The following LURAP1L variants were observed in gnomAD, a reference collection of about 807,000 sequenced individuals.
LURAP1L encodes the protein leucine rich adaptor protein 1-like.
In LURAP1L, 12 loss-of-function variants were observed where a neutral mutation model predicts 13.8. The observed-to-expected ratio is 0.87, with a 90% CI of 0.56 to 1.41. The LOEUF (loss-of-function observed/expected upper bound fraction) is 1.41, where lower values mean the gene tolerates loss of function less well. Ranked by LOEUF, LURAP1L falls within the 40% of genes most tolerant of loss-of-function variation. The pLI is 0.00. For missense variants in LURAP1L, 375 were observed against 292.9 expected, an observed-to-expected ratio of 1.28 and a Z score of -2.04; for synonymous variants, 139 against 119.2, an observed-to-expected ratio of 1.17 and a Z score of -1.08.
In LURAP1L at chr9:12,778,716, G is replaced by C. The variant is rs144274591; in HGVS notation, c.312+2689G>C. 1.7e-3 allele frequency among the ~76,000 whole-genome samples: 252 copies of C among 152,260 alleles called. 2 individuals are homozygous for C. Among genetic ancestry groups the C allele is most frequent in the African/African-American group, 4.9e-3 (205 of 41,548 alleles). On this transcript the variant is annotated intron_variant, in intron 1 of 1. Transcript: ENST00000319264. ...AGGTTTCCCTAGCTTCAGTTCAACT[G>C]GAAATCTTGATTTTTATTTTAAATT...
At chr9:12,780,222 T>A (rs1268351388) in intron 1 of LURAP1L, among the ~76,000 whole-genome samples, 2 of 152,216 alleles carry the variant, frequency 1.3e-5, no homozygotes, top group East Asian at 3.9e-4. Flanking sequence ...ACTTTCAAAT[T>A]GCTGTTTTTC....
intron 1 of LURAP1L, among the ~76,000 whole-genome samples, chr9:12,816,145 G>A (rs1041786670): frequency 2.0e-5 from 3 of 152,160 alleles, no homozygotes; most frequent in African/African-American, 7.2e-5. Flanking sequence ...GGGATTATCT[G>A]ATCTGTAGAC....
chr9:12,811,351 A>G (rs1563897566), intron 1 of LURAP1L, among the ~76,000 whole-genome samples: 2 of 152,192 alleles, frequency 1.3e-5, no homozygotes, highest in Admixed American at 6.5e-5. Flanking sequence ...CCCTCAGGTT[A>G]TAGGGGATAT....
chr9:12,783,764 G>C (rs1819308566), intron 1 of LURAP1L, among the ~76,000 whole-genome samples: 1 of 150,858 alleles, frequency 6.6e-6, no homozygotes, highest in African/African-American at 2.4e-5. Context: ...GGAATAGTTT[G>C]GGTAGGATTG....
At chr9:12,816,913 C>T (rs1819811845) in intron 1 of LURAP1L, among the ~76,000 whole-genome samples, 4 of 152,118 alleles carry the variant, frequency 2.6e-5, no homozygotes, top group Admixed American at 2.0e-4. Context: ...TTATTTTTGT[C>T]GTTGTTGTTT....
chr9:12,791,248 C>T (rs1013583445), intron 1 of LURAP1L, among the ~76,000 whole-genome samples: 4 of 152,176 alleles, frequency 2.6e-5, no homozygotes, highest in South Asian at 2.1e-4. Flanking sequence ...ACCTGTTTTT[C>T]TCTTTGTGAT....
intron 1 of LURAP1L, among the ~76,000 whole-genome samples, chr9:12,820,173 GAGAT>G (rs993969269): frequency 6.6e-6 from 1 of 152,102 alleles, no homozygotes; most frequent in Non-Finnish European, 1.5e-5. Flanking sequence ...TGTGGCTGTG[GAGAT>G]AGATATCCCT....
chr9:12,815,481 A>C (rs1024373077), intron 1 of LURAP1L, among the ~76,000 whole-genome samples: 1 of 152,208 alleles, frequency 6.6e-6, no homozygotes, highest in African/African-American at 2.4e-5. Context: ...AGAGCATCAC[A>C]TTAAAAAGCA....
intron 1 of LURAP1L, among the ~76,000 whole-genome samples, chr9:12,781,161 G>C (rs1452972187): frequency 1.3e-5 from 2 of 152,050 alleles, no homozygotes; most frequent in Non-Finnish European, 2.9e-5. Flanking sequence ...AGTAGAGATG[G>C]GGTTTCTCCA....
intron 1 of LURAP1L, chr9:12,777,363 C>T (rs924143889): frequency 2.9e-5 from 29 of 985,142 alleles, no homozygotes; most frequent in Admixed American, 1.2e-4. Flanking sequence ...ATCAGACATA[C>T]GTGTGGAGAC....
chr9:12,808,074 G>A (rs1050960925), intron 1 of LURAP1L, among the ~76,000 whole-genome samples: 1 of 151,912 alleles, frequency 6.6e-6, no homozygotes, highest in African/African-American at 2.4e-5. Context: ...TGAATGCATT[G>A]TCATTGTTAT....
In LURAP1L at chr9:12,819,490, G is replaced by A. The variant is rs185375029; in HGVS notation, c.313-1896G>A. Among the ~76,000 whole-genome samples the A allele has an allele frequency of 1.8e-3, 281 of 152,176 alleles. 1 individual carries two copies. The highest frequency in any genetic ancestry group is 3.1e-3 in the Admixed American group (47 of 15,280). ...TTTTACAATACAAATGAATACTTTTGAGGACAATTCGCTCTTTTCTTCCTT... is the reference window on the plus strand; with the variant it reads ...TTTTACAATACAAATGAATACTTTTAAGGACAATTCGCTCTTTTCTTCCTT... On this transcript the variant is annotated intron_variant, in intron 1 of 1. Coordinates refer to ENST00000319264, the MANE Select transcript of LURAP1L (RefSeq NM_203403.2).
At chr9:12,808,591 T>C (rs1188515982) in intron 1 of LURAP1L, among the ~76,000 whole-genome samples, 1 of 152,148 alleles carries the variant, frequency 6.6e-6, no homozygotes, top group African/African-American at 2.4e-5. Context: ...TGAGTATAAG[T>C]TTGGTGTAAA....
rs201963967 is a variant in LURAP1L, at chr9:12,775,881, T to A, written c.166T>A (p.Cys56Ser). 1 of 1,438,078 alleles carries A rather than the reference T, an allele frequency of 7.0e-7. No individual in the cohort carries two copies. Among genetic ancestry groups the A allele is most frequent in the Non-Finnish European group, 9.2e-7 (1 of 1,088,310 alleles). The allele number at this position is 1,438,078 out of a possible 1,614,324, so 89.1% of individuals were successfully genotyped here. ...TGGTGGTGGCGGCGGCGGCGGCGGC[T>A]GCAGTAGCAGCAGCAGCTACTGCAG... ...SGGGGGGGGG[C>S]SSSSSYCSFP... Residue 56 changes from cysteine (C) to serine (S), a missense_variant, in exon 1 of 2, where the codon TGC becomes AGC. Transcript: ENST00000319264.
At chr9:12,808,050 T>G (rs543816464) in intron 1 of LURAP1L, among the ~76,000 whole-genome samples, 1 of 152,128 alleles carries the variant, frequency 6.6e-6, no homozygotes, top group African/African-American at 2.4e-5. Context: ...CATTCACAAA[T>G]AAGCTATAAT....
chr9:12,799,403 T>C (rs552361168), intron 1 of LURAP1L, among the ~76,000 whole-genome samples: 1 of 152,302 alleles, frequency 6.6e-6, no homozygotes, highest in East Asian at 1.9e-4. Context: ...GATATTTACA[T>C]TGAAATAACT....
At chr9:12,785,443 T>C (rs1395566265) in intron 1 of LURAP1L, among the ~76,000 whole-genome samples, 2 of 152,024 alleles carry the variant, frequency 1.3e-5, no homozygotes, top group Non-Finnish European at 2.9e-5. Context: ...CCTGGGAACT[T>C]TCCTCCTTGA....
chr9:12,783,143 C>A (rs1035464548), intron 1 of LURAP1L, among the ~76,000 whole-genome samples: 11 of 152,158 alleles, frequency 7.2e-5, no homozygotes, highest in African/African-American at 2.4e-4. Flanking sequence ...AAGATTATAT[C>A]ATTTGCAAAT....
At position 12,822,379 on chromosome 9, in the gene LURAP1L, T is replaced by C. The variant is rs1345548902; in HGVS notation, c.*619T>C. On this transcript the variant is annotated 3_prime_UTR_variant, in exon 2 of 2. Coordinates refer to ENST00000319264, the MANE Select transcript of LURAP1L (RefSeq NM_203403.2). ...TCACCCTTGTGTTGGTACTTTAGAT[T>C]AACATTTTGTCATCAGTGATTCTAA... 6.6e-6 allele frequency among the ~76,000 whole-genome samples: 1 copy of C among 152,212 alleles called. No individual in the cohort carries two copies. The highest frequency in any genetic ancestry group is 2.4e-5 in the African/African-American group (1 of 41,448).
Sources: gnomAD v4.1 joint callset for allele counts (sites outside exome capture counted in the v4.1 genomes callset) on GRCh38, gnomAD v4.1.1 for gene constraint, MANE v1.5 for transcripts, NCBI Gene and HGNC (gene_info 2026-07-23, HGNC 2026-07-21) for gene names.